POLR3B: variants seen among roughly 807,000 people sequenced by gnomAD.
POLR3B encodes the protein RNA polymerase III subunit B, also known as DNA-directed RNA polymerase III subunit RPC2.
In POLR3B, 96 loss-of-function variants were observed where a neutral mutation model predicts 147.4. The ratio of observed to expected loss-of-function variants is 0.65; its 90% confidence interval spans 0.55 to 0.77. POLR3B has a LOEUF of 0.77. Among genes scored for constraint, POLR3B ranks in the 30% least tolerant of loss-of-function variants. The pLI is 0.00. For synonymous variants in POLR3B, 461 were observed against 485.9 expected (o/e 0.95, Z 0.67); for missense variants, 1,036 against 1,413.5 (o/e 0.73, Z 4.28).
intron 27 of POLR3B, 126 bp from the exon 28 acceptor site, chr12:106,509,294 C>T: frequency 3.0e-6 from 3 of 1,010,746 alleles, no homozygotes; most frequent in Non-Finnish European, 4.6e-6. Context: ...CAACTGAACA[C>T]TTAGGAATAG....
intron 1 of POLR3B, among the ~76,000 whole-genome samples, chr12:106,359,026 TG>T (rs1354068694): frequency 1.3e-5 from 2 of 152,150 alleles, no homozygotes; most frequent in African/African-American, 2.4e-5. Flanking sequence ...GAGAACAGCT[TG>T]GGCGACATGG....
chr12:106,410,406 T>G, intron 11 of POLR3B: 1 of 206,652 alleles, frequency 4.8e-6, no homozygotes, highest in Non-Finnish European at 9.9e-6. Flanking sequence ...GTTCTGGACT[T>G]TAGTGTCTCA....
chr12:106,376,895 G>T (rs1268491750), intron 7 of POLR3B, among the ~76,000 whole-genome samples: 1 of 152,150 alleles, frequency 6.6e-6, no homozygotes, highest in Admixed American at 6.5e-5. Flanking sequence ...GAACCACTGC[G>T]CCTAGCCCTA....
intron 10 of POLR3B, among the ~76,000 whole-genome samples, chr12:106,395,445 A>G (rs1329047643): frequency 6.6e-6 from 1 of 152,010 alleles, no homozygotes. Flanking sequence ...CTTTTAAACA[A>G]CCAGATTGGG....
intron 2 of POLR3B, among the ~76,000 whole-genome samples, chr12:106,364,154 A>G (rs1018315077): frequency 2.6e-5 from 4 of 152,356 alleles, no homozygotes; most frequent in African/African-American, 9.6e-5. Context: ...CCAAAGTGCT[A>G]TCAGCAAAAG....
chr12:106,369,124 A>G (rs765196961), intron 4 of POLR3B, 151 bp from the exon 5 acceptor site: 41 of 689,854 alleles, frequency 5.9e-5, no homozygotes, highest in Non-Finnish European at 7.9e-6. Context: ...TATCACTTCA[A>G]GAAGATCTCC....
intron 12 of POLR3B, among the ~76,000 whole-genome samples, chr12:106,422,212 A>G (rs1303177393): frequency 6.6e-6 from 1 of 152,068 alleles, no homozygotes; most frequent in Non-Finnish European, 1.5e-5. Flanking sequence ...CCATCCTCCT[A>G]GTGCCATTTT....
chr12:106,430,605 C>A (rs2037497531), intron 14 of POLR3B, 132 bp downstream of exon 14: 1 of 729,286 alleles, frequency 1.4e-6, no homozygotes, highest in Non-Finnish European at 2.4e-6. Flanking sequence ...ATTTATCTGG[C>A]AAATAAATAT....
At chr12:106,398,782 A>C (rs1565884037) in intron 10 of POLR3B, among the ~76,000 whole-genome samples, 1 of 152,198 alleles carries the variant, frequency 6.6e-6, no homozygotes, top group Non-Finnish European at 1.5e-5. Context: ...ACTGTCTGTT[A>C]GAAGGAAAAC....
chr12:106,418,994 A>T (rs911179086), intron 12 of POLR3B, among the ~76,000 whole-genome samples: 2 of 152,228 alleles, frequency 1.3e-5, no homozygotes, highest in African/African-American at 2.4e-5. Context: ...CTTTGTCATA[A>T]TTTGAGACAA....
intron 10 of POLR3B, 110 bp from the exon 11 acceptor site, chr12:106,405,747 C>T: frequency 9.5e-7 from 1 of 1,055,286 alleles, no homozygotes; most frequent in East Asian, 2.4e-5. Flanking sequence ...ACAGCTTTCT[C>T]TATAACCAGG....
At position 106,463,498 on chromosome 12, in the gene POLR3B, C is replaced by T; in HGVS notation, c.2591C>T (p.Ser864Leu). The T allele has an allele frequency of 6.2e-7, 1 of 1,613,464 alleles. No homozygotes were observed. The highest frequency in any genetic ancestry group is 8.5e-7 in the Non-Finnish European group (1 of 1,179,518). Residue 864 changes from serine to leucine, a missense_variant, in exon 23 of 28, where the codon TCA (serine) becomes TTA (leucine). By Grantham distance (145) the Ser-to-Leu change is moderately radical. Around this residue, in one of 12 missense-constraint regions of POLR3B, gnomAD observed 202 missense variants for 272.8 expected, o/e 0.74. Transcript: ENST00000228347. ...VPITYKGATD[S>L]YIEKVMISSN... ...ACCAGCTACAAAGGAGCAACAGACT[C>T]ATATATTGAAAAAGTGATGATATCT...
At chr12:106,373,609 C>T (rs1455916012) in intron 6 of POLR3B, among the ~76,000 whole-genome samples, 1 of 152,048 alleles carries the variant, frequency 6.6e-6, no homozygotes, top group African/African-American at 2.4e-5. Context: ...CAAAAATTAA[C>T]TGGGTGTGGT....
chr12:106,455,554 A>C (rs1336318398), intron 20 of POLR3B, among the ~76,000 whole-genome samples: 1 of 152,208 alleles, frequency 6.6e-6, no homozygotes, highest in Admixed American at 6.5e-5. Flanking sequence ...TCTGTCAGAA[A>C]CTCTGCAACC....
chr12:106,484,717 A>G (rs1229834843), intron 23 of POLR3B, among the ~76,000 whole-genome samples: 2 of 152,278 alleles, frequency 1.3e-5, no homozygotes, highest in East Asian at 3.9e-4. Context: ...GATTACGATC[A>G]GGAACAGCCT....
At chr12:106,481,689 T>C (rs1022098411) in intron 23 of POLR3B, among the ~76,000 whole-genome samples, 18 of 152,222 alleles carry the variant, frequency 1.2e-4, no homozygotes, top group African/African-American at 4.3e-4. Flanking sequence ...GTTTACACCT[T>C]AATTTTTTTA....
At chr12:106,362,105 G>C (rs868088108) in intron 1 of POLR3B, among the ~76,000 whole-genome samples, 2 of 152,156 alleles carry the variant, frequency 1.3e-5, no homozygotes, top group African/African-American at 4.8e-5. Context: ...GCTGAGTCAA[G>C]AAAGTTTTAA....
chr12:106,398,563 C>G, intron 10 of POLR3B, among the ~76,000 whole-genome samples: 1 of 152,194 alleles, frequency 6.6e-6, no homozygotes, highest in Admixed American at 6.5e-5. Context: ...CCCCGAATAG[C>G]CTAACTGGGA....
Position 106,357,911 on chromosome 12 carries a change from T to C in POLR3B, c.32T>C (p.Leu11Pro), listed in dbSNP as rs1252374010. The change falls in exon 1 of 28, where the codon CTG becomes CCG. Residue 11 changes from leucine to proline, a missense_variant. Coordinates refer to ENST00000228347, the MANE Select transcript of POLR3B (RefSeq NM_018082.6). MDVLAEEFGN[L>P]TPEQLAAPIP... Reference sequence around the variant, plus strand: ...GTGCTAGCGGAGGAGTTTGGGAACCTGACTCCGGAGCAGCTGGCGGCGCCG... The same window carrying C: ...GTGCTAGCGGAGGAGTTTGGGAACCCGACTCCGGAGCAGCTGGCGGCGCCG... 6.2e-7 allele frequency: 1 copy of C among 1,613,598 alleles called. No homozygotes were observed. Among genetic ancestry groups the C allele is most frequent in the Admixed American group, 1.7e-5 (1 of 60,028 alleles).
Sources: gnomAD v4.1 joint callset for allele counts (sites outside exome capture counted in the v4.1 genomes callset) on GRCh38, gnomAD v4.1.1 for gene constraint, gnomAD v4.1.1 regional missense constraint, MANE v1.5 for transcripts, NCBI Gene and HGNC (gene_info 2026-07-23, HGNC 2026-07-21) for gene names.